CDC42SE2: variants seen among roughly 807,000 people sequenced by gnomAD.
CDC42SE2 encodes the protein CDC42 small effector 2.
A neutral mutation model predicts 11.5 loss-of-function variants in CDC42SE2; 3 were observed. That is an observed-to-expected ratio of 0.26 (90% CI 0.12 to 0.67). CDC42SE2 has a LOEUF of 0.67. Ranked by LOEUF, CDC42SE2 falls within the 30% of genes least tolerant of loss-of-function variation. CDC42SE2 has a pLI of 0.80. For missense variants in CDC42SE2, 82 were observed against 106.8 expected, an observed-to-expected ratio of 0.77 and a Z score of 1.02; for synonymous variants, 33 against 34.8, an observed-to-expected ratio of 0.95 and a Z score of 0.18.
rs924212948 is a variant in CDC42SE2, at chr5:131,264,070, C to G, written c.-551C>G. On this transcript the variant is annotated 5_prime_UTR_variant, in exon 1 of 5. Coordinates refer to ENST00000505065, the MANE Select transcript of CDC42SE2 (RefSeq NM_001375635.1). The stretch of plus-strand genomic sequence containing the variant: ...GGGGAGCCAGGAAGCTGCGAGCGCG[C>G]TGGGGAGCGCAGCTGCAGGCGTTGG... 1 of 152,018 alleles carries G rather than the reference C, an allele frequency of 6.6e-6. No individual in the cohort carries two copies. The highest frequency in any genetic ancestry group is 2.4e-5 in the African/African-American group (1 of 41,398). The allele number at this position is 152,018 out of a possible 1,614,324, so 9.4% of individuals were successfully genotyped here.
chr5:131,269,554 AGGT>A (rs1309752330), intron 1 of CDC42SE2, among the ~76,000 whole-genome samples: 1 of 151,794 alleles, frequency 6.6e-6, no homozygotes, highest in Non-Finnish European at 1.5e-5. Flanking sequence ...GGATCACCTA[AGGT>A]CAGGAGTTCG....
intron 1 of CDC42SE2, among the ~76,000 whole-genome samples, chr5:131,301,281 G>T (rs1757672859): frequency 6.6e-6 from 1 of 152,014 alleles, no homozygotes; most frequent in Admixed American, 6.6e-5. Flanking sequence ...GGCCCGGGAG[G>T]ATGACTATAG....
intron 3 of CDC42SE2, among the ~76,000 whole-genome samples, chr5:131,380,062 G>A (rs1750273281): frequency 6.6e-6 from 1 of 151,904 alleles, no homozygotes; most frequent in African/African-American, 2.4e-5. Context: ...AAGTAGCTGG[G>A]ATTACAGGTG....
intron 1 of CDC42SE2, among the ~76,000 whole-genome samples, chr5:131,290,486 G>GT (rs532593648): frequency 0.13 from 12,995 of 103,090 alleles, 804 homozygotes; most frequent in African/African-American, 0.19. Context: ...TTTTTTTTTT[G>GT]TTTTTTTTTT....
At chr5:131,248,316 T>G (rs1756612866) in intron 1 of CDC42SE2, among the ~76,000 whole-genome samples, 1 of 152,104 alleles carries the variant, frequency 6.6e-6, no homozygotes, top group Admixed American at 6.5e-5. Flanking sequence ...ATTTTTGTAT[T>G]TTTAGTAGAG....
intron 2 of CDC42SE2, among the ~76,000 whole-genome samples, chr5:131,353,770 G>A (rs754620281): frequency 2.6e-5 from 4 of 151,982 alleles, no homozygotes; most frequent in Non-Finnish European, 4.4e-5. Flanking sequence ...TTAGCTGGGC[G>A]TGGTGGTGGG....
chr5:131,285,827 C>A (rs1757328452), intron 1 of CDC42SE2, among the ~76,000 whole-genome samples: 5 of 152,106 alleles, frequency 3.3e-5, no homozygotes, highest in Admixed American at 3.3e-4. Context: ...GAATCTGGTA[C>A]CACAGCTTCT....
At chr5:131,323,763 A>G (rs1286127647) in intron 2 of CDC42SE2, among the ~76,000 whole-genome samples, 1 of 152,052 alleles carries the variant, frequency 6.6e-6, no homozygotes, top group African/African-American at 2.4e-5. Context: ...TTTACTTTAC[A>G]TGAGAGGATT....
At chr5:131,301,680 C>G (rs1757685896) in intron 1 of CDC42SE2, among the ~76,000 whole-genome samples, 1 of 151,546 alleles carries the variant, frequency 6.6e-6, no homozygotes, top group South Asian at 2.1e-4. Context: ...ATCACTTGAA[C>G]CTGGGAGATG....
Position 131,391,133 on chromosome 5 carries a change from G to T in CDC42SE2, c.*42G>T. On this transcript the variant is annotated 3_prime_UTR_variant, in exon 5 of 5. Coordinates refer to ENST00000505065, the MANE Select transcript of CDC42SE2 (RefSeq NM_001375635.1). ...AGTGAGTACTCAGAGCTGGGGTCTG[G>T]ACCTGACGGCCAGACATGGCCAGGC... 7.0e-7 allele frequency: 1 copy of T among 1,438,424 alleles called. No individual in the cohort carries two copies. The highest frequency in any genetic ancestry group is 1.2e-5 in the South Asian group (1 of 85,454). The allele number at this position is 1,438,424 out of a possible 1,614,324, so 89.1% of individuals were successfully genotyped here. A position where few individuals can be genotyped will look rare whatever the true frequency, so the allele number is the denominator to read the frequency against.
chr5:131,329,020 G>A (rs1758355971), intron 2 of CDC42SE2, among the ~76,000 whole-genome samples: 1 of 152,178 alleles, frequency 6.6e-6, no homozygotes, highest in Non-Finnish European at 1.5e-5. Flanking sequence ...TACAAGGTGG[G>A]GGCACAGAGA....
At chr5:131,336,203 G>A (rs369843030) in intron 2 of CDC42SE2, among the ~76,000 whole-genome samples, 3 of 150,218 alleles carry the variant, frequency 2.0e-5, no homozygotes, top group Non-Finnish European at 4.4e-5. Context: ...GTCTGTAAAG[G>A]ATTTTATTTC....
chr5:131,369,727 A>C (rs989948752), intron 3 of CDC42SE2, among the ~76,000 whole-genome samples: 1 of 152,184 alleles, frequency 6.6e-6, no homozygotes, highest in Non-Finnish European at 1.5e-5. Context: ...ATTATGCACA[A>C]ATTAGAGATT....
At chr5:131,289,020 A>G (rs564717127) in intron 1 of CDC42SE2, among the ~76,000 whole-genome samples, 7 of 152,322 alleles carry the variant, frequency 4.6e-5, no homozygotes, top group South Asian at 2.1e-4. Flanking sequence ...CCTGTATTCT[A>G]TACATTTTTT....
At chr5:131,225,742 C>G in the CDC42SE2 span, among the ~76,000 whole-genome samples, 327 of 152,246 alleles carry the variant, frequency 2.1e-3, 2 homozygotes, top group African/African-American at 7.4e-3. Flanking sequence ...CCTACTATCT[C>G]TCATTGTTTC....
intron 3 of CDC42SE2, among the ~76,000 whole-genome samples, chr5:131,384,984 C>T (rs1750437831): frequency 6.6e-6 from 1 of 151,756 alleles, no homozygotes; most frequent in East Asian, 1.9e-4. Context: ...AGGTTTAGTT[C>T]CCAGCTAGAA....
intron 2 of CDC42SE2, among the ~76,000 whole-genome samples, chr5:131,345,640 T>A (rs1439902493): frequency 6.6e-6 from 1 of 152,020 alleles, no homozygotes; most frequent in Non-Finnish European, 1.5e-5. Context: ...ATTCAGGAAA[T>A]ACAGAGAATG....
At chr5:131,342,470 A>G (rs1399331594) in intron 2 of CDC42SE2, among the ~76,000 whole-genome samples, 4 of 134,360 alleles carry the variant, frequency 3.0e-5, no homozygotes, top group Non-Finnish European at 4.7e-5. Flanking sequence ...GCCCACTGCA[A>G]CCTCCGCCTC....
chr5:131,259,045 C>G (rs1196972387), upstream of CDC42SE2, among the ~76,000 whole-genome samples: 1 of 152,212 alleles, frequency 6.6e-6, no homozygotes, highest in Non-Finnish European at 1.5e-5. Flanking sequence ...GAAAGGGCCA[C>G]TGTCCATGAT....
Sources: gnomAD v4.1 joint callset for allele counts (sites outside exome capture counted in the v4.1 genomes callset) on GRCh38, gnomAD v4.1.1 for gene constraint, MANE v1.5 for transcripts, NCBI Gene and HGNC (gene_info 2026-07-23, HGNC 2026-07-21) for gene names.